RWDD2B: variants seen among roughly 807,000 people sequenced by gnomAD.
RWDD2B encodes RWD domain containing 2B, also known as RWD domain-containing protein 2B.
In RWDD2B, 36 loss-of-function variants were observed where a neutral mutation model predicts 33.6. The ratio of observed to expected loss-of-function variants is 1.07; its 90% CI spans 0.82 to 1.42. The LOEUF is 1.42. Ranked by LOEUF, RWDD2B falls within the 40% of genes most tolerant of loss-of-function variation. The pLI is 0.00. For synonymous variants in RWDD2B, 126 were observed against 133.1 expected (o/e 0.95, Z 0.37); for missense variants, 364 against 377.5 (o/e 0.96, Z 0.30).
At chr21:29,012,645 C>A (rs549534907) in intron 1 of RWDD2B, among the ~76,000 whole-genome samples, 1 of 152,090 alleles carries the variant, frequency 6.6e-6, no homozygotes, top group African/African-American at 2.4e-5. Context: ...CGGAAGGCCG[C>A]AGGGTCCTCT....
At chr21:29,008,766 T>C in intron 1 of RWDD2B, 145 bp from the exon 2 acceptor site, 1 of 630,462 alleles carries the variant, frequency 1.6e-6, no homozygotes, top group Non-Finnish European at 2.7e-6. Flanking sequence ...TACTCTACTT[T>C]CAGATATAAT....
intron 2 of RWDD2B, 25 bp from the exon 3 acceptor site, chr21:29,008,332 T>C: frequency 1.2e-6 from 2 of 1,613,104 alleles, no homozygotes; most frequent in Non-Finnish European, 1.7e-6. Context: ...GAAGAAAAAG[T>C]GCACTAACCA....
chr21:29,019,068 G>A (rs2084903044), intron 1 of RWDD2B, 143 bp downstream of exon 1: 1 of 676,606 alleles, frequency 1.5e-6, no homozygotes, highest in African/African-American at 1.8e-5. Flanking sequence ...GCAACGCCGA[G>A]GACCGAGCCG....
intron 1 of RWDD2B, among the ~76,000 whole-genome samples, chr21:29,011,572 C>A (rs1173959570): frequency 1.4e-5 from 2 of 147,936 alleles, no homozygotes; most frequent in African/African-American, 2.5e-5. Flanking sequence ...CCAGCCGCCC[C>A]TTCCGGGAGG....
chr21:29,014,637 T>C (rs757441906), intron 1 of RWDD2B, among the ~76,000 whole-genome samples: 3 of 152,032 alleles, frequency 2.0e-5, no homozygotes, highest in Non-Finnish European at 4.4e-5. Context: ...CTGGCTAACA[T>C]GGTGAAACCC....
At chr21:29,011,175 A>C (rs1601021353) in intron 1 of RWDD2B, among the ~76,000 whole-genome samples, 1 of 147,418 alleles carries the variant, frequency 6.8e-6, no homozygotes, top group African/African-American at 2.5e-5. Flanking sequence ...CCTAGTCTGG[A>C]AAGTGAGGAG....
chr21:29,008,478 T>A lies in RWDD2B; in HGVS notation c.211A>T (p.Ile71Phe). 1 of 1,614,228 alleles carries A rather than the reference T, an allele frequency of 6.2e-7. No homozygotes were observed. Among genetic ancestry groups the A allele is most frequent in the East Asian group, 2.2e-5 (1 of 44,886 alleles). The change falls in exon 2 of 5, where the codon ATT (isoleucine) becomes TTT (phenylalanine). Residue 71 changes from isoleucine (I) to phenylalanine (F), a missense_variant. By Grantham distance (21) the Ile-to-Phe change is conservative. Coordinates refer to ENST00000493196, the MANE Select transcript of RWDD2B (RefSeq NM_016940.3). ...CGCCCCTCCATTGTCTTCTTTTCAATACAATCTTTCAGTTCTGCTACAGCC... is the reference window on the plus strand; with the variant it reads ...CGCCCCTCCATTGTCTTCTTTTCAAAACAATCTTTCAGTTCTGCTACAGCC... Reference protein sequence around the residue: ...QLAVAELKDCIEKKTMEGRSS... With the variant: ...QLAVAELKDCFEKKTMEGRSS...
At chr21:29,011,018 C>T (rs1346249709) in intron 1 of RWDD2B, among the ~76,000 whole-genome samples, 5 of 152,164 alleles carry the variant, frequency 3.3e-5, no homozygotes, top group Non-Finnish European at 7.4e-5. Context: ...CGGCTCGCTA[C>T]AACCTCCACC....
intron 4 of RWDD2B, 45 bp downstream of exon 4, chr21:29,007,716 A>G (rs749664089): frequency 6.4e-7 from 1 of 1,571,130 alleles, no homozygotes; most frequent in African/African-American, 1.3e-5. Flanking sequence ...CTTGTTTAGT[A>G]TTAACATTAT....
intron 1 of RWDD2B, among the ~76,000 whole-genome samples, chr21:29,011,536 T>TG (rs574406713): frequency 0.028 from 3,526 of 124,782 alleles, 164 homozygotes; most frequent in African/African-American, 0.094. Flanking sequence ...GGAAGGGAGG[T>TG]GGGGGGGGGT....
chr21:29,019,226 C>T lies in RWDD2B; in HGVS notation c.52G>A (p.Gly18Arg), dbSNP rs2084904209. 1.2e-6 allele frequency: 2 copies of T among 1,603,438 alleles called. No individual in the cohort carries two copies. The highest frequency in any genetic ancestry group is 1.7e-6 in the Non-Finnish European group (2 of 1,175,910). ...QPWNPGYSSE[G>R]ATAQETYTCP... The stretch of plus-strand genomic sequence containing the variant: ...CGAGACTCACCTTGAGCCGTGGCCC[C>T]CTCACTGCTGTAACCCGGGTTCCAT... The change falls in exon 1 of 5, where the codon GGG becomes AGG. Residue 18 changes from glycine (G) to arginine (R), a missense_variant. Coordinates refer to ENST00000493196, the MANE Select transcript of RWDD2B (RefSeq NM_016940.3).
At position 29,019,331 on chromosome 21, in the gene RWDD2B, C is replaced by T. The variant is rs1304383345; in HGVS notation, c.-54G>A. 7 of 1,357,842 alleles carry T rather than the reference C, an allele frequency of 5.2e-6. No individual in the cohort carries two copies. The highest frequency in any genetic ancestry group is 1.6e-5 in the African/African-American group (1 of 64,050). The allele number at this position is 1,357,842 out of a possible 1,614,324, so 84.1% of individuals were successfully genotyped here. ...CTGCGACCCAAAACTTACAAACCGC[C>T]TCAGCTGGCGACCTACCGGAAAAAA... On this transcript the variant is annotated 5_prime_UTR_variant, in exon 1 of 5. Transcript: ENST00000493196.
At chr21:29,010,192 G>A (rs1187660476) in intron 1 of RWDD2B, among the ~76,000 whole-genome samples, 1 of 152,070 alleles carries the variant, frequency 6.6e-6, no homozygotes, top group African/African-American at 2.4e-5. Context: ...GTATCAACAT[G>A]TACATTTTAA....
intron 4 of RWDD2B, 95 bp from the exon 5 acceptor site, chr21:29,006,746 TAGA>T (rs945600123): frequency 1.4e-6 from 1 of 701,910 alleles, no homozygotes; most frequent in African/African-American, 1.8e-5. Context: ...TGCCTTTTCC[TAGA>T]AGTAGTCTAC....
At position 29,019,218 on chromosome 21, in the gene RWDD2B, C is replaced by G; in HGVS notation, c.60G>C (p.Thr20=). The change falls in exon 1 of 5, where the codon ACG becomes ACC. Residue 20 remains threonine, a synonymous_variant. Coordinates refer to ENST00000493196, the MANE Select transcript of RWDD2B (RefSeq NM_016940.3). ...AGCTGAGGCGAGACTCACCTTGAGC[C>G]GTGGCCCCCTCACTGCTGTAACCCG... ...WNPGYSSEGA[T]AQETYTCPKM... 2 of 1,600,682 alleles carry G rather than the reference C, an allele frequency of 1.2e-6. No homozygotes were observed.
intron 1 of RWDD2B, among the ~76,000 whole-genome samples, chr21:29,016,563 C>CT (rs542020495): frequency 0.22 from 32,651 of 148,128 alleles, 3,804 homozygotes; most frequent in Non-Finnish European, 0.26. Flanking sequence ...TGCTCCCGGC[C>CT]TTTTTTTTTT....
At chr21:29,007,163 T>G (rs2084832579) in intron 4 of RWDD2B, among the ~76,000 whole-genome samples, 1 of 152,208 alleles carries the variant, frequency 6.6e-6, no homozygotes, top group Non-Finnish European at 1.5e-5. Flanking sequence ...GTATACAGTT[T>G]GCAGCATCAC....
chr21:29,010,418 G>A (rs2084850404), intron 1 of RWDD2B, among the ~76,000 whole-genome samples: 1 of 102,898 alleles, frequency 9.7e-6, no homozygotes, highest in Admixed American at 1.0e-4. Flanking sequence ...ATCAGCCTGG[G>A]TAACATAACG....
chr21:29,014,602 A>C (rs1207640156), intron 1 of RWDD2B, among the ~76,000 whole-genome samples: 1 of 152,138 alleles, frequency 6.6e-6, no homozygotes, highest in Non-Finnish European at 1.5e-5. Context: ...CAGGCAGATC[A>C]TGAGGTCAGG....
Sources: gnomAD v4.1 joint callset for allele counts (sites outside exome capture counted in the v4.1 genomes callset) on GRCh38, gnomAD v4.1.1 for gene constraint, MANE v1.5 for transcripts, NCBI Gene and HGNC (gene_info 2026-07-23, HGNC 2026-07-21) for gene names.